The following LRRFIP2 variants were observed in gnomAD, a reference collection of about 807,000 sequenced individuals.
The protein encoded by LRRFIP2 is LRR binding FLII interacting protein 2.
LRRFIP2 carries 109 observed loss-of-function variants against 125.9 expected under a neutral mutation model. The observed-to-expected ratio is 0.87, with a 90% CI of 0.74 to 1.01. The LOEUF is 1.01. LRRFIP2 is among the 50% of genes least tolerant of loss of function. The probability of loss-of-function intolerance (pLI) is 0.00; values close to 1 mark genes in which losing one functional copy is unlikely to be tolerated. For missense variants in LRRFIP2, 850 were observed against 862.3 expected (o/e 0.99, Z 0.18); for synonymous variants, 291 against 293.1 (o/e 0.99, Z 0.07).
chr3:37,129,994 A>AAAAT (rs1405968033), intron 2 of LRRFIP2, among the ~76,000 whole-genome samples: 1 of 152,182 alleles, frequency 6.6e-6, no homozygotes, highest in East Asian at 1.9e-4. Flanking sequence ...CGCTGTCTCA[A>AAAAT]AAATAAATAA....
intron 1 of LRRFIP2, among the ~76,000 whole-genome samples, chr3:37,166,027 G>A (rs1028454857): frequency 1.5e-4 from 23 of 152,264 alleles, no homozygotes; most frequent in African/African-American, 5.3e-4. Context: ...GAAAAGGTAA[G>A]TTGGATTTCA....
intron 1 of LRRFIP2, among the ~76,000 whole-genome samples, chr3:37,156,497 C>A (rs1007474735): frequency 8.0e-5 from 12 of 149,596 alleles, no homozygotes; most frequent in Admixed American, 5.3e-4. Context: ...CACAGTGAAA[C>A]CCCCGTCTCT....
chr3:37,119,967 A>G (rs1351336855), intron 6 of LRRFIP2, among the ~76,000 whole-genome samples: 4 of 150,928 alleles, frequency 2.7e-5, no homozygotes, highest in Non-Finnish European at 5.9e-5. Context: ...CGGCCTTTTC[A>G]AAATATTTAA....
intron 14 of LRRFIP2, among the ~76,000 whole-genome samples, chr3:37,103,690 C>T (rs768066866): frequency 3.9e-5 from 6 of 152,182 alleles, no homozygotes; most frequent in Non-Finnish European, 8.8e-5. Flanking sequence ...CATCTCTAAT[C>T]ACCCCATCCA....
chr3:37,102,990 A>T lies in LRRFIP2; in HGVS notation c.807T>A (p.Ser269Arg). Residue 269 changes from serine (S) to arginine (R), a missense_variant, in exon 15 of 28, where the codon AGT (serine) becomes AGA (arginine). By Grantham distance (110) the Ser-to-Arg change is moderately radical. Coordinates refer to ENST00000336686, the MANE Select transcript of LRRFIP2 (RefSeq NM_006309.4). ...ESVVSAADYF[S>R]RSNRRGSVVS... Reference sequence around the variant, plus strand: ...CAACACTTCCCCTACGATTGGAGCGACTGAAATAATCAGCGGCAGATACCT... The same window carrying T: ...CAACACTTCCCCTACGATTGGAGCGTCTGAAATAATCAGCGGCAGATACCT... 6.4e-7 allele frequency: 1 copy of T among 1,565,564 alleles called. No individual in the cohort carries two copies. The highest frequency in any genetic ancestry group is 8.7e-7 in the Non-Finnish European group (1 of 1,153,114).
chr3:37,074,787 G>A (rs2091789227), intron 20 of LRRFIP2, among the ~76,000 whole-genome samples: 1 of 152,132 alleles, frequency 6.6e-6, no homozygotes. Context: ...AGGAAACAGT[G>A]TGCTTAGGAA....
intron 21 of LRRFIP2, among the ~76,000 whole-genome samples, chr3:37,070,263 A>C (rs2090938203): frequency 6.6e-6 from 1 of 151,278 alleles, no homozygotes; most frequent in Non-Finnish European, 1.5e-5. Context: ...ACAGGTGTGC[A>C]CCACCATGCC....
At position 37,135,736 on chromosome 3, in the gene LRRFIP2, T is replaced by C. The variant is rs528554117; in HGVS notation, c.91-6587A>G. The stretch of plus-strand genomic sequence containing the variant: ...TAAAGAAATGTAAATTAAAACCATA[T>C]TGAGATACTTGATATCCACTAGGAT... On this transcript the variant is annotated intron_variant, in intron 2 of 27. Transcript: ENST00000336686. 2.1e-4 allele frequency among the ~76,000 whole-genome samples: 32 copies of C among 151,834 alleles called. No individual in the cohort carries two copies. In the South Asian group the frequency reaches 6.6e-3, roughly 32 times the overall value.
At chr3:37,143,197 T>C (rs2095759985) in intron 2 of LRRFIP2, among the ~76,000 whole-genome samples, 1 of 152,184 alleles carries the variant, frequency 6.6e-6, no homozygotes, top group Non-Finnish European at 1.5e-5. Flanking sequence ...TCTTTATAAA[T>C]CACCCAGTCT....
At position 37,115,113 on chromosome 3, in the gene LRRFIP2, A is replaced by G. The variant is rs1217726880; in HGVS notation, c.331-18T>C. On this transcript the variant is annotated intron_variant, in intron 6 of 27. Transcript: ENST00000336686. The stretch of plus-strand genomic sequence containing the variant: ...ATATCATACTGGGTTTCAGCAAAAC[A>G]TGAAAGTTGGTTTGTTTCCAAATTC... 2 of 1,571,904 alleles carry G rather than the reference A, an allele frequency of 1.3e-6. No individual in the cohort carries two copies. Among genetic ancestry groups the G allele is most frequent in the African/African-American group, 2.7e-5 (2 of 74,440 alleles).
intron 19 of LRRFIP2, among the ~76,000 whole-genome samples, chr3:37,079,918 G>C (rs1576229809): frequency 6.6e-6 from 1 of 152,088 alleles, no homozygotes; most frequent in African/African-American, 2.4e-5. Context: ...AAGACTGAGG[G>C]GTTTGGGGGA....
At chr3:37,123,586 G>A (rs910940999) in intron 4 of LRRFIP2, among the ~76,000 whole-genome samples, 3 of 152,160 alleles carry the variant, frequency 2.0e-5, no homozygotes, top group African/African-American at 4.8e-5. Flanking sequence ...AGTTTTGGGG[G>A]CATGTGTGTT....
At chr3:37,142,427 G>A (rs888784466) in intron 2 of LRRFIP2, among the ~76,000 whole-genome samples, 3 of 152,120 alleles carry the variant, frequency 2.0e-5, no homozygotes, top group African/African-American at 2.4e-5. Flanking sequence ...AATTACAAGC[G>A]TGAGCTACCA....
intron 18 of LRRFIP2, among the ~76,000 whole-genome samples, chr3:37,085,104 G>T (rs982091261): frequency 3.7e-4 from 57 of 152,268 alleles, no homozygotes; most frequent in African/African-American, 1.2e-3. Flanking sequence ...AATTAACTCA[G>T]CATAAGCCAT....
At chr3:37,160,104 C>A (rs2096296215) in intron 1 of LRRFIP2, among the ~76,000 whole-genome samples, 1 of 149,616 alleles carries the variant, frequency 6.7e-6, no homozygotes, top group Admixed American at 6.7e-5. Context: ...TCAACTTCAT[C>A]TCCTATTCTC....
rs564427075 is a variant in LRRFIP2 at position 37,066,105 on chromosome 3, T to C, written c.1566+119A>G. 1.4e-4 allele frequency: 187 copies of C among 1,309,500 alleles called. 2 individuals carry two copies. The South Asian group carries it at 2.2e-3, about 15-fold the overall frequency. The allele number at this position is 1,309,500 out of a possible 1,614,324, so 81.1% of individuals were successfully genotyped here. A position where few individuals can be genotyped will look rare whatever the true frequency, so the allele number is the denominator to read the frequency against. On this transcript the variant is annotated intron_variant, in intron 22 of 27. Transcript: ENST00000336686. ...AGAAATAGCTTCAACCTACCAAATC[T>C]GGATTAGAGAATAAACACTGTAGTT...
chr3:37,085,585 CTT>C lies in LRRFIP2; in HGVS notation c.1108-1781_1108-1780del, dbSNP rs113687377. Among the ~76,000 whole-genome samples, 872 of 145,314 alleles carry C rather than the reference CTT, an allele frequency of 6.0e-3. 5 individuals carry two copies. The highest frequency in any genetic ancestry group is 9.9e-3 in the Non-Finnish European group (659 of 66,258). Reference sequence around the variant, plus strand: ...AAAAAGACTTCACTCAAATATAAAACTTTTTTTTTTTTTCGAGATGGAGTCTC... The same window carrying C: ...AAAAAGACTTCACTCAAATATAAAACTTTTTTTTTTTCGAGATGGAGTCTC... On this transcript the variant is annotated intron_variant, in intron 18 of 27. Coordinates refer to ENST00000336686, the MANE Select transcript of LRRFIP2 (RefSeq NM_006309.4).
intron 1 of LRRFIP2, chr3:37,171,018 G>C (rs1451678281): frequency 6.6e-6 from 1 of 152,394 alleles, no homozygotes; most frequent in Admixed American, 6.5e-5. Context: ...AGGCTGCAGT[G>C]ATCTGTGTTC....
rs376522724 is a variant in LRRFIP2, at chr3:37,167,473, G to A, written c.-56+7066C>T. On this transcript the variant is annotated intron_variant, in intron 1 of 27. Coordinates refer to ENST00000336686, the MANE Select transcript of LRRFIP2 (RefSeq NM_006309.4). ...GTTCGAGACCAGCCTGGCCAATAGG[G>A]CGAAACCCCGTCTCTACTGAAAATA... Among the ~76,000 whole-genome samples the A allele has an allele frequency of 6.0e-5, 9 of 150,672 alleles. No individual in the cohort carries two copies. The East Asian group carries it at 1.2e-3, about 20-fold the overall frequency.
Sources: gnomAD v4.1 joint callset for allele counts (sites outside exome capture counted in the v4.1 genomes callset) on GRCh38, gnomAD v4.1.1 for gene constraint, MANE v1.5 for transcripts, NCBI Gene and HGNC (gene_info 2026-07-23, HGNC 2026-07-21) for gene names.